Variants in CREB5 observed in about 807,000 individuals in gnomAD.
CREB5 encodes the protein cAMP responsive element binding protein 5.
In CREB5, 19 loss-of-function variants were observed where a neutral mutation model predicts 57.1. That is an observed-to-expected ratio of 0.33 (90% CI 0.23 to 0.49). CREB5 has a LOEUF of 0.49. Ranked by LOEUF, CREB5 falls within the 20% of genes least tolerant of loss-of-function variation. The probability of loss-of-function intolerance (pLI) is 0.99; values close to 1 mark genes in which losing one functional copy is unlikely to be tolerated. For missense variants in CREB5, 579 were observed against 671.6 expected, an observed-to-expected ratio of 0.86 and a Z score of 1.52; for synonymous variants, 238 against 238.3, an observed-to-expected ratio of 1.00 and a Z score of 0.01.
intron 4 of CREB5, among the ~76,000 whole-genome samples, chr7:28,560,953 T>TGCGTGC (rs1382287502): frequency 1.1e-4 from 5 of 47,178 alleles, no homozygotes; most frequent in African/African-American, 2.0e-4. Flanking sequence ...TGTGTGTGCG[T>TGCGTGC]GTGTGTGCGT....
intron 1 of CREB5, among the ~76,000 whole-genome samples, chr7:28,333,387 G>A (rs1785752077): frequency 6.6e-6 from 1 of 151,962 alleles, no homozygotes; most frequent in Non-Finnish European, 1.5e-5. Flanking sequence ...TTTATCCTTT[G>A]TGTTAAAAAC....
chr7:28,458,455 GT>G (rs1344337195), intron 1 of CREB5, among the ~76,000 whole-genome samples: 3 of 152,190 alleles, frequency 2.0e-5, no homozygotes. Context: ...TTGGATTTAA[GT>G]TTACAGGGAC....
In CREB5 at chr7:28,494,941, G is replaced by A. The variant is rs1332712637; in HGVS notation, c.111G>A (p.Arg37=). The change falls in exon 3 of 11, where the codon AGG becomes AGA. Residue 37 remains arginine (R), a synonymous_variant. Coordinates refer to ENST00000357727, the MANE Select transcript of CREB5 (RefSeq NM_182898.4). ...FPTEDHLMIH[R]HKHEMTLKFP... ...CAGAGGACCATCTGATGATTCATAG[G>A]CACAAACATGAAATGACTTTGAAGT... 6.2e-7 allele frequency: 1 copy of A among 1,607,508 alleles called. No individual in the cohort carries two copies. The highest frequency in any genetic ancestry group is 2.2e-5 in the East Asian group (1 of 44,636).
At chr7:28,759,838 G>A (rs1805544986) in intron 7 of CREB5, among the ~76,000 whole-genome samples, 1 of 152,206 alleles carries the variant, frequency 6.6e-6, no homozygotes, top group Non-Finnish European at 1.5e-5. Flanking sequence ...TGTGTGACAT[G>A]CTCAGGTTTA....
At chr7:28,392,927 A>ATT (rs11289159) in intron 1 of CREB5, among the ~76,000 whole-genome samples, 1,760 of 146,100 alleles carry the variant, frequency 0.012, 32 homozygotes, top group African/African-American at 0.041. Context: ...CAAAGCAGCA[A>ATT]TTTTTTTTTT....
intron 1 of CREB5, among the ~76,000 whole-genome samples, chr7:28,311,138 C>CAAAAAAAA (rs58272820): frequency 4.1e-4 from 48 of 117,598 alleles, no homozygotes; most frequent in Admixed American, 6.7e-4. Context: ...ACTAAAAATA[C>CAAAAAAAA]AAAAAAAAAA....
intron 5 of CREB5, among the ~76,000 whole-genome samples, chr7:28,676,070 GT>G (rs2128721801): frequency 6.6e-6 from 1 of 152,236 alleles, no homozygotes; most frequent in African/African-American, 2.4e-5. Flanking sequence ...GCTCCTCTGA[GT>G]AAGGGGGTAT....
intron 7 of CREB5, among the ~76,000 whole-genome samples, chr7:28,731,971 G>A (rs913333647): frequency 2.6e-5 from 4 of 152,090 alleles, no homozygotes; most frequent in Admixed American, 2.6e-4. Context: ...GGTTTTGCTT[G>A]TCACCAACCC....
chr7:28,549,396 C>T (rs1170625432), intron 4 of CREB5, among the ~76,000 whole-genome samples: 2 of 152,190 alleles, frequency 1.3e-5, no homozygotes, highest in Admixed American at 6.5e-5. Flanking sequence ...ACACATTAAA[C>T]ATGAATGATT....
chr7:28,674,613 C>T (rs1018685572), intron 5 of CREB5, among the ~76,000 whole-genome samples: 1 of 152,220 alleles, frequency 6.6e-6, no homozygotes, highest in Non-Finnish European at 1.5e-5. Context: ...CCTCTGTTCT[C>T]CTGATTCCTC....
At chr7:28,804,147 T>C (rs1044049026) in intron 7 of CREB5, 52 bp from the exon 8 acceptor site, 13 of 1,544,160 alleles carry the variant, frequency 8.4e-6, no homozygotes, top group East Asian at 4.5e-5. Context: ...ATCTCTATCA[T>C]GTACATGACT....
chr7:28,643,657 T>C (rs1408430489), intron 5 of CREB5, among the ~76,000 whole-genome samples: 1 of 151,922 alleles, frequency 6.6e-6, no homozygotes, highest in Non-Finnish European at 1.5e-5. Flanking sequence ...CATCAGGTTT[T>C]ACCACAATCA....
intron 1 of CREB5, among the ~76,000 whole-genome samples, chr7:28,306,408 A>C (rs1027557385): frequency 3.9e-5 from 6 of 152,174 alleles, no homozygotes; most frequent in Non-Finnish European, 8.8e-5. Context: ...CTTCCCTCTG[A>C]AACTATAGCC....
chr7:28,612,384 C>T (rs1388819076), intron 5 of CREB5, among the ~76,000 whole-genome samples: 1 of 151,864 alleles, frequency 6.6e-6, no homozygotes, highest in African/African-American at 2.4e-5. Flanking sequence ...AAATTCAAGC[C>T]CTCTAGCTCA....
intron 1 of CREB5, among the ~76,000 whole-genome samples, chr7:28,314,454 C>A (rs976883764): frequency 8.5e-5 from 13 of 152,158 alleles, no homozygotes; most frequent in Admixed American, 7.9e-4. Flanking sequence ...GAATCTTAGT[C>A]CTATGGAGCT....
At chr7:28,466,108 T>A (rs57811958) in intron 1 of CREB5, among the ~76,000 whole-genome samples, 10,829 of 151,228 alleles carry the variant, frequency 0.072, 658 homozygotes, top group East Asian at 0.19. Context: ...TTAGAAAAAG[T>A]GTTATGTTAT....
At chr7:28,748,597 C>T (rs1804803703) in intron 7 of CREB5, among the ~76,000 whole-genome samples, 1 of 152,152 alleles carries the variant, frequency 6.6e-6, no homozygotes. Flanking sequence ...TGTGGAGGTA[C>T]CTTCATCCTT....
chr7:28,698,026 CA>C (rs1801662189), intron 5 of CREB5, among the ~76,000 whole-genome samples: 1 of 152,084 alleles, frequency 6.6e-6, no homozygotes. Context: ...ATAGCTCTTA[CA>C]AAACACCATT....
chr7:28,551,897 T>C (rs1794666819), intron 4 of CREB5, among the ~76,000 whole-genome samples: 1 of 151,048 alleles, frequency 6.6e-6, no homozygotes, highest in African/African-American at 2.5e-5. Context: ...CTTTCTTTCT[T>C]TCTCTTTTCT....
Sources: gnomAD v4.1 joint callset for allele counts (sites outside exome capture counted in the v4.1 genomes callset) on GRCh38, gnomAD v4.1.1 for gene constraint, MANE v1.5 for transcripts, NCBI Gene and HGNC (gene_info 2026-07-23, HGNC 2026-07-21) for gene names.